KHDRBS2: variants seen among roughly 807,000 people sequenced by gnomAD.
KHDRBS2 encodes the protein KH RNA binding domain containing, signal transduction associated 2, also known as KH domain-containing, RNA-binding, signal transduction-associated protein 2.
KHDRBS2 carries 26 observed loss-of-function variants against 44.3 expected under a neutral mutation model. The ratio of observed to expected loss-of-function variants is 0.59; its 90% CI spans 0.43 to 0.81. KHDRBS2 has a LOEUF of 0.81. KHDRBS2 is among the 40% of genes least tolerant of loss of function. KHDRBS2 has a pLI of 0.00. For missense variants in KHDRBS2, 476 were observed against 433.1 expected, an observed-to-expected ratio of 1.10 and a Z score of -0.88; for synonymous variants, 194 against 151.1, an observed-to-expected ratio of 1.28 and a Z score of -2.08.
rs578130305 is a variant in KHDRBS2 at position 62,050,102 on chromosome 6, G to A, written c.220-2108C>T. Among the ~76,000 whole-genome samples the A allele has an allele frequency of 8.5e-5, 13 of 152,122 alleles. No homozygotes were observed. The South Asian group carries it at 2.3e-3, about 27-fold the overall frequency. ...TGGCAGCACATATACACCATGGAAT[G>A]TTATGCAGCCATAAAAAAGGATGAG... is the stretch of plus-strand genomic sequence containing the variant. On this transcript the variant is annotated intron_variant, in intron 2 of 8. Transcript: ENST00000281156.
chr6:61,675,945 A>C (rs1765907440), downstream of KHDRBS2, among the ~76,000 whole-genome samples: 1 of 151,826 alleles, frequency 6.6e-6, no homozygotes, highest in East Asian at 2.0e-4. Flanking sequence ...TTATCTAAAA[A>C]CCTTAAAATG....
chr6:62,170,661 G>T (rs1031089237), intron 2 of KHDRBS2, among the ~76,000 whole-genome samples: 2 of 152,018 alleles, frequency 1.3e-5, no homozygotes, highest in African/African-American at 4.8e-5. Flanking sequence ...AACAACCATG[G>T]ATCCCACTGC....
chr6:61,948,128 T>C (rs1763977576), intron 4 of KHDRBS2, among the ~76,000 whole-genome samples: 2 of 151,968 alleles, frequency 1.3e-5, no homozygotes, highest in Admixed American at 1.3e-4. Flanking sequence ...GCAAAGCAGA[T>C]ACTTGGAAAG....
At chr6:62,251,160 T>C (rs1162849183) in intron 1 of KHDRBS2, among the ~76,000 whole-genome samples, 3 of 151,812 alleles carry the variant, frequency 2.0e-5, no homozygotes, top group African/African-American at 7.2e-5. Context: ...ATATTGAATA[T>C]CTTGAATATT....
intron 3 of KHDRBS2, among the ~76,000 whole-genome samples, chr6:62,010,406 T>C (rs1413284158): frequency 1.3e-5 from 2 of 152,212 alleles, no homozygotes; most frequent in African/African-American, 4.8e-5. Context: ...GACTTTGGAC[T>C]GTGGACTTTT....
the KHDRBS2 span, among the ~76,000 whole-genome samples, chr6:61,589,085 G>T: frequency 1.3e-5 from 2 of 151,932 alleles, no homozygotes; most frequent in Non-Finnish European, 2.9e-5. Flanking sequence ...GGGTAGGGGG[G>T]CAAAGGGAAG....
Position 62,125,076 on chromosome 6 carries a change from A to G in KHDRBS2, c.219+52109T>C, listed in dbSNP as rs191559493. ...CATGTCCTTTACGCACTTATTAATA[A>G]GGTTTTAACTTCATATCACTGAAAG... On this transcript the variant is annotated intron_variant, in intron 2 of 8. Transcript: ENST00000281156. Among the ~76,000 whole-genome samples, 19 of 152,282 alleles carry G rather than the reference A, an allele frequency of 1.2e-4. 1 individual carries two copies. The East Asian group carries it at 1.9e-3, about 15-fold the overall frequency.
At chr6:61,579,824 G>A in the KHDRBS2 span, among the ~76,000 whole-genome samples, 2 of 145,702 alleles carry the variant, frequency 1.4e-5, 1 homozygote, top group Non-Finnish European at 3.0e-5. Context: ...TTGGGAGGCC[G>A]AGGTGGGTGG....
intron 4 of KHDRBS2, among the ~76,000 whole-genome samples, chr6:61,904,591 C>G (rs1024458477): frequency 3.3e-5 from 5 of 152,158 alleles, no homozygotes; most frequent in African/African-American, 9.7e-5. Flanking sequence ...AAAAGCTTCT[C>G]CCAGCTGATA....
chr6:61,922,182 C>A (rs1405852827), intron 4 of KHDRBS2, among the ~76,000 whole-genome samples: 1 of 151,932 alleles, frequency 6.6e-6, no homozygotes, highest in Non-Finnish European at 1.5e-5. Flanking sequence ...CATTTATCTT[C>A]CCCTCTGAGT....
intron 2 of KHDRBS2, among the ~76,000 whole-genome samples, chr6:62,072,798 T>A (rs1795470157): frequency 2.0e-5 from 3 of 152,156 alleles, no homozygotes; most frequent in Admixed American, 6.6e-5. Flanking sequence ...TGGTCTAAAA[T>A]TCTCTTTTTT....
chr6:62,146,365 A>G, intron 2 of KHDRBS2, among the ~76,000 whole-genome samples: 1 of 151,756 alleles, frequency 6.6e-6, no homozygotes, highest in East Asian at 1.9e-4. Flanking sequence ...CACCTAAACA[A>G]AGAAAAATAT....
chr6:61,577,381 T>C, the KHDRBS2 span, among the ~76,000 whole-genome samples: 1 of 152,100 alleles, frequency 6.6e-6, no homozygotes, highest in East Asian at 1.9e-4. Context: ...CACAGATTCA[T>C]AGCAGCAATT....
At chr6:61,986,587 T>A (rs1237956738) in intron 3 of KHDRBS2, among the ~76,000 whole-genome samples, 1 of 152,182 alleles carries the variant, frequency 6.6e-6, no homozygotes, top group Non-Finnish European at 1.5e-5. Context: ...TCACTATATT[T>A]CTTAGTCTGG....
intron 6 of KHDRBS2, among the ~76,000 whole-genome samples, chr6:61,825,781 CT>C (rs1790764086): frequency 1.3e-5 from 2 of 152,186 alleles, no homozygotes; most frequent in East Asian, 3.9e-4. Context: ...GGGAAAGCGA[CT>C]TTACCTCTTT....
At chr6:61,856,805 A>G (rs557820626) in intron 6 of KHDRBS2, among the ~76,000 whole-genome samples, 1 of 152,022 alleles carries the variant, frequency 6.6e-6, no homozygotes, top group Non-Finnish European at 1.5e-5. Context: ...GCAGGCACTT[A>G]AAGAGGTCAA....
the KHDRBS2 span, among the ~76,000 whole-genome samples, chr6:61,550,921 T>C: frequency 6.6e-6 from 1 of 151,838 alleles, no homozygotes; most frequent in Non-Finnish European, 1.5e-5. Context: ...ACAAGGCACA[T>C]GCCACCACGC....
At chr6:61,593,704 A>G in the KHDRBS2 span, among the ~76,000 whole-genome samples, 2 of 152,094 alleles carry the variant, frequency 1.3e-5, no homozygotes, top group Non-Finnish European at 2.9e-5. Flanking sequence ...TAGACTTTGG[A>G]AAACTTCTAA....
intron 2 of KHDRBS2, among the ~76,000 whole-genome samples, chr6:62,128,694 T>C (rs1809548297): frequency 6.6e-6 from 1 of 151,654 alleles, no homozygotes; most frequent in South Asian, 2.1e-4. Context: ...GCTTGATAAA[T>C]TGAAGTCATA....
Sources: allele counts gnomAD v4.1 joint callset (sites outside exome capture counted in the v4.1 genomes callset), GRCh38; gene constraint gnomAD v4.1.1; transcripts MANE v1.5; gene names NCBI Gene and HGNC (gene_info 2026-07-23, HGNC 2026-07-21).